The following PSMA1 variants were observed in gnomAD, a reference collection of about 807,000 sequenced individuals.
PSMA1 encodes the protein proteasome 20S subunit alpha 1, also known as proteasome subunit alpha type-1.
A neutral mutation model predicts 38.4 loss-of-function variants in PSMA1; 3 were observed. The ratio of observed to expected loss-of-function variants is 0.08; its 90% confidence interval spans 0.04 to 0.20. The LOEUF is 0.20. Ranked by LOEUF, PSMA1 falls within the 10% of genes least tolerant of loss-of-function variation. The pLI, the probability that PSMA1 is intolerant of heterozygous loss-of-function variation, is 1.00. For missense variants in PSMA1, 227 were observed against 325.3 expected (o/e 0.70, Z 2.32); for synonymous variants, 101 against 107.1 (o/e 0.94, Z 0.35).
At chr11:14,571,929 A>G (rs1046140979) in intron 2 of PSMA1, among the ~76,000 whole-genome samples, 4 of 152,214 alleles carry the variant, frequency 2.6e-5, no homozygotes, top group African/African-American at 4.8e-5. Flanking sequence ...GCCATTACAT[A>G]ATGGTAAAGG....
At chr11:14,539,331 G>T (rs537916080) in intron 2 of PSMA1, among the ~76,000 whole-genome samples, 2 of 152,064 alleles carry the variant, frequency 1.3e-5, no homozygotes, top group African/African-American at 4.8e-5. Flanking sequence ...TTATTATTAT[G>T]CCTGTTGCCA....
intron 2 of PSMA1, among the ~76,000 whole-genome samples, chr11:14,589,666 T>C (rs1449816323): frequency 6.6e-6 from 1 of 152,124 alleles, no homozygotes; most frequent in Non-Finnish European, 1.5e-5. Context: ...TCATAGCCCA[T>C]AATTTGCCAA....
Position 14,510,929 on chromosome 11 carries a change from T to G in PSMA1, c.567A>C (p.Lys189Asn). 1 of 1,603,294 alleles carries G rather than the reference T, an allele frequency of 6.2e-7. No homozygotes were observed. The highest frequency in any genetic ancestry group is 1.1e-5 in the South Asian group (1 of 89,372). ...FMECNLNELV[K>N]HGLRALRETL... ...TCTCTCTTAAGGCACGCAGACCATG[T>G]TTAACTAGTTCATTTAAATTACCTA... Residue 189 changes from lysine (K) to asparagine (N), a missense_variant, in exon 8 of 10, where the codon AAA becomes AAC. Physicochemically the swap from Lys to Asn is moderately conservative, Grantham distance 94. Coordinates refer to ENST00000396394, the MANE Select transcript of PSMA1 (RefSeq NM_002786.4).
chr11:14,536,683 C>T (rs1022582575), intron 2 of PSMA1, among the ~76,000 whole-genome samples: 7 of 152,068 alleles, frequency 4.6e-5, no homozygotes, highest in Non-Finnish European at 5.9e-5. Flanking sequence ...ACGATCTCGG[C>T]TTATCGCAAG....
chr11:14,631,411 A>G (rs560990453), intron 1 of PSMA1, among the ~76,000 whole-genome samples: 78 of 151,876 alleles, frequency 5.1e-4, no homozygotes, highest in African/African-American at 1.9e-3. Flanking sequence ...TTCTGCCTTC[A>G]TTTTGTTATA....
At chr11:14,610,828 T>C in intron 2 of PSMA1, 1 of 822,196 alleles carries the variant, frequency 1.2e-6, no homozygotes, top group Non-Finnish European at 1.9e-6. Context: ...ACATTTTTCT[T>C]TTTTTCTCTT....
At chr11:14,636,903 C>T (rs1326914138) in intron 1 of PSMA1, among the ~76,000 whole-genome samples, 3 of 152,180 alleles carry the variant, frequency 2.0e-5, no homozygotes. Flanking sequence ...AGAACTTTAT[C>T]TTTCATTTGG....
intron 4 of PSMA1, 117 bp downstream of exon 4, chr11:14,517,525 T>A: frequency 1.2e-6 from 1 of 855,904 alleles, no homozygotes; most frequent in South Asian, 2.0e-5. Context: ...GTATTCATAA[T>A]CTTAATTTAC....
At chr11:14,519,807 G>A (rs1181036475) in intron 1 of PSMA1, 1 of 158,956 alleles carries the variant, frequency 6.3e-6, no homozygotes, top group Non-Finnish European at 1.4e-5. Flanking sequence ...TAGGTGACTG[G>A]ACAAAATGAT....
intron 1 of PSMA1, among the ~76,000 whole-genome samples, chr11:14,624,468 C>T (rs911200994): frequency 6.6e-6 from 1 of 152,192 alleles, no homozygotes. Context: ...TATCTACCAT[C>T]ACTCCCAATA....
chr11:14,610,575 T>C (rs552034869), intron 2 of PSMA1, among the ~76,000 whole-genome samples: 2 of 152,362 alleles, frequency 1.3e-5, no homozygotes, highest in East Asian at 3.9e-4. Flanking sequence ...TGTCTTCACT[T>C]TGAATGTCAC....
intron 1 of PSMA1, among the ~76,000 whole-genome samples, chr11:14,631,417 T>C (rs546139639): frequency 1.3e-5 from 2 of 152,108 alleles, no homozygotes; most frequent in South Asian, 4.1e-4. Flanking sequence ...CTTCATTTTG[T>C]TATATACCCA....
intron 5 of PSMA1, chr11:14,514,169 G>A: frequency 7.5e-7 from 1 of 1,334,734 alleles, no homozygotes; most frequent in Non-Finnish European, 9.6e-7. Context: ...GAACCATTAA[G>A]AAACTTTAAA....
At chr11:14,642,188 G>A (rs1463380675) in intron 1 of PSMA1, among the ~76,000 whole-genome samples, 1 of 152,124 alleles carries the variant, frequency 6.6e-6, no homozygotes, top group Non-Finnish European at 1.5e-5. Flanking sequence ...ATTTATAACG[G>A]GAATTTCAAT....
chr11:14,559,568 G>T (rs939850879), intron 2 of PSMA1, among the ~76,000 whole-genome samples: 7 of 152,206 alleles, frequency 4.6e-5, no homozygotes, highest in Non-Finnish European at 1.0e-4. Context: ...GATAGAAAAT[G>T]ACCACTAGAC....
chr11:14,570,984 C>T (rs1326365312), intron 2 of PSMA1, among the ~76,000 whole-genome samples: 4 of 152,190 alleles, frequency 2.6e-5, no homozygotes, highest in Admixed American at 2.6e-4. Flanking sequence ...AAGGGAAGCC[C>T]ATCATACTCC....
chr11:14,589,365 A>ATATATATG (rs1554971452), intron 2 of PSMA1, among the ~76,000 whole-genome samples: 1 of 147,578 alleles, frequency 6.8e-6, no homozygotes, highest in Non-Finnish European at 1.5e-5. Context: ...ATATATATAT[A>ATATATATG]TGTGTGTGTG....
intron 2 of PSMA1, among the ~76,000 whole-genome samples, chr11:14,565,422 C>G (rs1852058985): frequency 6.6e-6 from 1 of 151,902 alleles, no homozygotes; most frequent in Non-Finnish European, 1.5e-5. Context: ...CCTTCATTTG[C>G]TTTGTGTTTA....
chr11:14,632,639 T>C (rs1313126491), intron 1 of PSMA1, among the ~76,000 whole-genome samples: 1 of 150,604 alleles, frequency 6.6e-6, no homozygotes, highest in Admixed American at 6.6e-5. Context: ...CTGACAATTA[T>C]GTGTCTTGGA....
Sources: gnomAD v4.1 joint callset for allele counts (sites outside exome capture counted in the v4.1 genomes callset) on GRCh38, gnomAD v4.1.1 for gene constraint, MANE v1.5 for transcripts, NCBI Gene and HGNC (gene_info 2026-07-23, HGNC 2026-07-21) for gene names.